The following COQ6 variants were observed in gnomAD, a reference collection of about 807,000 sequenced individuals.
The protein encoded by COQ6 is ubiquinone biosynthesis monooxygenase COQ6, mitochondrial.
In COQ6, 45 loss-of-function variants were observed where a neutral mutation model predicts 55.5. The observed-to-expected ratio is 0.81, with a 90% CI of 0.64 to 1.04. The LOEUF is 1.04. Ranked by LOEUF, COQ6 falls within the 50% of genes least tolerant of loss-of-function variation. The probability of loss-of-function intolerance (pLI) is 0.00; values close to 1 mark genes in which losing one functional copy is unlikely to be tolerated. For missense variants in COQ6, 550 were observed against 601.3 expected, an observed-to-expected ratio of 0.91 and a Z score of 0.89; for synonymous variants, 206 against 230.5, an observed-to-expected ratio of 0.89 and a Z score of 0.96.
intron 4 of COQ6, among the ~76,000 whole-genome samples, chr14:73,957,463 T>G (rs1186647148): frequency 6.6e-6 from 1 of 152,124 alleles, no homozygotes; most frequent in Non-Finnish European, 1.5e-5. Flanking sequence ...CAGGCTGATG[T>G]TTTTGGAGAT....
At position 73,950,465 on chromosome 14, in the gene COQ6, C is replaced by T. The variant is rs1594782675; in HGVS notation, c.133C>T (p.Leu45=). ...TGACGTGGTGGTGTCGGGTGGAGGC[C>T]TGGTGGGCGCTGCCATGGCCTGTGC... ...VYDVVVSGGG[L]VGAAMACALG... Residue 45 remains leucine (L), a synonymous_variant, in exon 1 of 12, where the codon CTG becomes TTG. Coordinates refer to ENST00000334571, the MANE Select transcript of COQ6 (RefSeq NM_182476.3). 1 of 1,609,468 alleles carries T rather than the reference C, an allele frequency of 6.2e-7. No homozygotes were observed. Among genetic ancestry groups the T allele is most frequent in the Non-Finnish European group, 8.5e-7 (1 of 1,178,590 alleles).
rs139750956 is a variant in COQ6 at position 73,962,894 on chromosome 14, G to A, written c.1378-76G>A. Reference sequence around the variant, plus strand: ...AAGGACACTTGGGAAGAATACCTACGTGATTATTATCTACAATAATTATTT... The same window carrying A: ...AAGGACACTTGGGAAGAATACCTACATGATTATTATCTACAATAATTATTT... On this transcript the variant is annotated intron_variant, in intron 11 of 11. Transcript: ENST00000334571. 983 of 1,228,526 alleles carry A rather than the reference G, an allele frequency of 8.0e-4. 9 individuals carry two copies. In the African/African-American group the frequency reaches 0.013, roughly 16 times the overall value. The allele number at this position is 1,228,526 out of a possible 1,614,324, so 76.1% of individuals were successfully genotyped here. A position where few individuals can be genotyped will look rare whatever the true frequency, so the allele number is the denominator to read the frequency against.
chr14:73,954,176 T>C (rs2056311314), intron 2 of COQ6, among the ~76,000 whole-genome samples: 1 of 152,220 alleles, frequency 6.6e-6, no homozygotes, highest in African/African-American at 2.4e-5. Flanking sequence ...TCTCTCCAAT[T>C]AGAATGTTAA....
chr14:73,959,047 C>T lies in COQ6; in HGVS notation c.689C>T (p.Ser230Phe). 2 of 1,614,192 alleles carry T rather than the reference C, an allele frequency of 1.2e-6. No homozygotes were observed. Among genetic ancestry groups the T allele is most frequent in the Non-Finnish European group, 1.7e-6 (2 of 1,180,038 alleles). ...IQNVSWNYDQ[S>F]AVVATLHLSE... ...AATGTGAGCTGGAACTATGACCAGTCTGCTGTTGTGGCTACTCTGCATTTA... is the reference window on the plus strand; with the variant it reads ...AATGTGAGCTGGAACTATGACCAGTTTGCTGTTGTGGCTACTCTGCATTTA... The change falls in exon 6 of 12, where the codon TCT becomes TTT. Residue 230 changes from serine (S) to phenylalanine (F), a missense_variant. By Grantham distance (155) the Ser-to-Phe change is radical. Coordinates refer to ENST00000334571, the MANE Select transcript of COQ6 (RefSeq NM_182476.3).
At chr14:73,962,182 G>A (rs571208560) in intron 11 of COQ6, among the ~76,000 whole-genome samples, 10 of 152,090 alleles carry the variant, frequency 6.6e-5, no homozygotes, top group Non-Finnish European at 1.5e-4. Context: ...TCCTGACCTC[G>A]TGATCTGCCT....
chr14:73,953,671 G>A (rs1347911910), intron 2 of COQ6, 102 bp downstream of exon 2: 1 of 1,491,386 alleles, frequency 6.7e-7, no homozygotes, highest in Non-Finnish European at 9.3e-7. Flanking sequence ...CAAGGAGGGA[G>A]CTCACTGAGG....
At chr14:73,956,412 A>G (rs1046209319) in intron 4 of COQ6, 30 of 163,030 alleles carry the variant, frequency 1.8e-4, no homozygotes, top group African/African-American at 6.0e-4. Context: ...TAATAATTCT[A>G]TGTTTAATAT....
At chr14:73,956,439 A>G (rs1002079658) in intron 4 of COQ6, 4 of 162,520 alleles carry the variant, frequency 2.5e-5, no homozygotes, top group Admixed American at 5.7e-5. Context: ...AAGCTGCCAA[A>G]CTTTTCTGAA....
chr14:73,959,122 T>C (rs1255315986), intron 6 of COQ6, 40 bp from the exon 7 acceptor site: 3 of 1,614,188 alleles, frequency 1.9e-6, no homozygotes, highest in Non-Finnish European at 2.5e-6. Context: ...TCATAGGCAC[T>C]AGGTACTTCA....
At chr14:73,950,957 G>T (rs1029956781) in intron 1 of COQ6, among the ~76,000 whole-genome samples, 1 of 152,126 alleles carries the variant, frequency 6.6e-6, no homozygotes, top group African/African-American at 2.4e-5. Flanking sequence ...CCCTTTGCCC[G>T]GTTTTTAATT....
chr14:73,952,047 T>C (rs72723772), intron 1 of COQ6, among the ~76,000 whole-genome samples: 2,083 of 147,530 alleles, frequency 0.014, 57 homozygotes, highest in East Asian at 0.046. Context: ...AGCATGTCCC[T>C]GTGCCCCATC....
At position 73,963,447 on chromosome 14, in the gene COQ6, A is replaced by G. The variant is rs764255836; in HGVS notation, c.*448A>G. On this transcript the variant is annotated 3_prime_UTR_variant, in exon 12 of 12. Transcript: ENST00000334571. The stretch of plus-strand genomic sequence containing the variant: ...GTTAACATCAGAATGCAAATTAAAT[A>G]TAAATTGCTTTAACCTTTGTTACAG... 4.5e-6 allele frequency: 1 copy of G among 220,094 alleles called. No homozygotes were observed. Among genetic ancestry groups the G allele is most frequent in the Non-Finnish European group, 8.9e-6 (1 of 112,626 alleles). 13.6% of individuals were successfully genotyped at this position (220,094 alleles called of 1,614,324 possible).
upstream of COQ6, chr14:73,950,226 G>C (rs745374151): frequency 5.3e-5 from 81 of 1,539,458 alleles, no homozygotes; most frequent in African/African-American, 2.7e-5. Context: ...TTTATTTCCG[G>C]TTCTGAGGAC....
chr14:73,957,841 G>A lies in COQ6; in HGVS notation c.482-306G>A, dbSNP rs79537722. On this transcript the variant is annotated intron_variant, in intron 4 of 11. Transcript: ENST00000334571. ...CTATGGTATTCCCAGCCTGTCTACT[G>A]TAAAAGCAAACACGGGCTCATTTAA... is the stretch of plus-strand genomic sequence containing the variant. Among the ~76,000 whole-genome samples, 2,232 of 152,244 alleles carry A rather than the reference G, an allele frequency of 0.015. 52 individuals carry two copies. Among genetic ancestry groups the A allele is most frequent in the African/African-American group, 0.05 (2,093 of 41,538 alleles).
In COQ6 at chr14:73,954,854, A is replaced by C. The variant is rs532896842; in HGVS notation, c.299-597A>C. Among the ~76,000 whole-genome samples the C allele has an allele frequency of 1.9e-3, 283 of 150,804 alleles. 3 individuals are homozygous for C. The highest frequency in any genetic ancestry group is 3.4e-3 in the Non-Finnish European group (230 of 67,782). On this transcript the variant is annotated intron_variant, in intron 2 of 11. Coordinates refer to ENST00000334571, the MANE Select transcript of COQ6 (RefSeq NM_182476.3). ...GCGAGATTCCGTCTCAAAAAAAAAA[A>C]AAAAAAAATACATGGATTTGGTTTT...
At position 73,959,052 on chromosome 14, in the gene COQ6, G is replaced by A. The variant is rs2056578275; in HGVS notation, c.694G>A (p.Val232Ile). 6.2e-7 allele frequency: 1 copy of A among 1,614,210 alleles called. No individual in the cohort carries two copies. Among genetic ancestry groups the A allele is most frequent in the Non-Finnish European group, 8.5e-7 (1 of 1,180,034 alleles). ...NVSWNYDQSA[V>I]VATLHLSEAT... is the part of the protein sequence containing the mutation. ...GAGCTGGAACTATGACCAGTCTGCT[G>A]TTGTGGCTACTCTGCATTTATCAGA... The change falls in exon 6 of 12, where the codon GTT (valine) becomes ATT (isoleucine). Residue 232 changes from valine (V) to isoleucine (I), a missense_variant. Physicochemically the swap from Val to Ile is conservative, Grantham distance 29 (BLOSUM62 3). Coordinates refer to ENST00000334571, the MANE Select transcript of COQ6 (RefSeq NM_182476.3).
Position 73,959,030 on chromosome 14 carries a change from C to CTGGAT in COQ6, c.676_677insTTGGA (p.Asn226IlefsTer23). 1 of 1,614,174 alleles carries CTGGAT rather than the reference C, an allele frequency of 6.2e-7. No homozygotes were observed. Among genetic ancestry groups the CTGGAT allele is most frequent in the Non-Finnish European group, 8.5e-7 (1 of 1,180,036 alleles). ...AGGCTGTTGGAATCCAGAATGTGAG[C>CTGGAT]TGGAACTATGACCAGTCTGCTGTTG... On this transcript the variant is annotated frameshift_variant, in exon 6 of 12. Coordinates refer to ENST00000334571, the MANE Select transcript of COQ6 (RefSeq NM_182476.3). LOFTEE classifies it high-confidence loss of function.
chr14:73,953,865 A>G (rs2056297616), intron 2 of COQ6: 2 of 480,576 alleles, frequency 4.2e-6, no homozygotes, highest in Non-Finnish European at 7.6e-6. Flanking sequence ...CATATGAACT[A>G]ATCATGAACA....
upstream of COQ6, chr14:73,950,159 C>T (rs1398938105): frequency 1.9e-6 from 3 of 1,586,722 alleles, no homozygotes; most frequent in South Asian, 1.1e-5. Context: ...AGCCTCCGAT[C>T]CATCCCGCCC....
Sources: allele counts gnomAD v4.1 joint callset (sites outside exome capture counted in the v4.1 genomes callset), GRCh38; gene constraint gnomAD v4.1.1; transcripts MANE v1.5; gene names NCBI Gene and HGNC (gene_info 2026-07-23, HGNC 2026-07-21).